CFAP47: variants seen among roughly 807,000 people sequenced by gnomAD.
The protein encoded by CFAP47 is cilia and flagella associated protein 47.
CFAP47 carries 29 observed loss-of-function variants against 148.1 expected under a neutral mutation model. The ratio of observed to expected loss-of-function variants is 0.20; its 90% CI spans 0.15 to 0.27. The LOEUF is 0.27. Ranked by LOEUF, CFAP47 falls within the 10% of genes least tolerant of loss-of-function variation. The pLI, the probability that CFAP47 is intolerant of heterozygous loss-of-function variation, is 1.00. For missense variants in CFAP47, 1,872 were observed against 1,697.5 expected (o/e 1.10, Z -1.81); for synonymous variants, 664 against 577.3 (o/e 1.15, Z -2.15).
At chrX:36,203,464 A>G (rs1292536657) in intron 44 of CFAP47, among the ~76,000 whole-genome samples, 3 of 111,781 alleles carry the variant, frequency 2.7e-5, no homozygotes, top group African/African-American at 9.7e-5. Flanking sequence ...ATGCATATAT[A>G]TAGTTTCTTT....
intron 42 of CFAP47, among the ~76,000 whole-genome samples, chrX:36,195,655 C>T (rs1555987116): frequency 9.0e-6 from 1 of 111,289 alleles, no homozygotes; most frequent in African/African-American, 3.3e-5. Context: ...CACATACTCC[C>T]TTTCTATACT....
intron 25 of CFAP47, among the ~76,000 whole-genome samples, chrX:36,046,170 T>A (rs1937463491): frequency 9.0e-6 from 1 of 110,820 alleles, no homozygotes; most frequent in Non-Finnish European, 1.9e-5. Flanking sequence ...TTATCTGCCA[T>A]AGATATGTAA....
At chrX:35,927,142 G>A (rs1249145597) in intron 2 of CFAP47, among the ~76,000 whole-genome samples, 4 of 100,847 alleles carry the variant, frequency 4.0e-5, no homozygotes, top group Non-Finnish European at 7.9e-5. Flanking sequence ...ATGACAAAGT[G>A]AGACCCTATC....
chrX:36,061,936 T>C (rs1373971714), intron 26 of CFAP47, among the ~76,000 whole-genome samples: 1 of 112,063 alleles, frequency 8.9e-6, no homozygotes, highest in Non-Finnish European at 1.9e-5. Context: ...TACAGAAATA[T>C]CGTTCCTTAA....
intron 25 of CFAP47, among the ~76,000 whole-genome samples, chrX:36,045,931 T>C (rs1937459718): frequency 8.9e-6 from 1 of 111,931 alleles, no homozygotes; most frequent in African/African-American, 3.2e-5. Flanking sequence ...GTTATACATA[T>C]GTAATAAAAT....
intron 30 of CFAP47, among the ~76,000 whole-genome samples, chrX:36,087,814 G>C (rs889947207): frequency 1.2e-4 from 13 of 112,135 alleles, no homozygotes; most frequent in African/African-American, 4.2e-4. Flanking sequence ...AAGAAAGGGT[G>C]AAAAATTTGC....
rs778732443 is a variant in CFAP47 at position 36,033,468 on chromosome X, G to GGT, written c.3651+2121_3651+2122insGT. ...TTTCTCAGAATTATAAGATATAGAA[G>GGT]ATAGATAGTATTTTGGAAGTATAAT... is the stretch of plus-strand genomic sequence containing the variant. On this transcript the variant is annotated intron_variant, in intron 23 of 63. Coordinates refer to ENST00000378653, the MANE Select transcript of CFAP47 (RefSeq NM_001304548.2). 5.3e-3 allele frequency among the ~76,000 whole-genome samples: 596 copies of GGT among 111,783 alleles called. 6 individuals carry two copies. The highest frequency in any genetic ancestry group is 0.018 in the African/African-American group (570 of 30,927).
chrX:36,282,847 A>G (rs977981333), intron 50 of CFAP47, among the ~76,000 whole-genome samples: 7 of 111,862 alleles, frequency 6.3e-5, no homozygotes, highest in Non-Finnish European at 1.3e-4. Flanking sequence ...ACTTTTAATA[A>G]TTTTTTATCT....
At chrX:36,187,700 G>C (rs892465607) in intron 40 of CFAP47, among the ~76,000 whole-genome samples, 6 of 111,171 alleles carry the variant, frequency 5.4e-5, no homozygotes, top group Non-Finnish European at 1.1e-4. Context: ...ATAATTTATA[G>C]TGCTAACCAG....
At chrX:36,068,089 A>T (rs1185080602) in intron 27 of CFAP47, among the ~76,000 whole-genome samples, 1 of 111,883 alleles carries the variant, frequency 8.9e-6, no homozygotes, top group Non-Finnish European at 1.9e-5. Flanking sequence ...ATTTCTGGAC[A>T]TTTTTCCCTT....
chrX:35,959,878 CAAAAAAA>C (rs755201291), intron 8 of CFAP47, among the ~76,000 whole-genome samples: 7 of 30,413 alleles, frequency 2.3e-4, no homozygotes, highest in Non-Finnish European at 3.1e-4. Context: ...GACTCCGTCT[CAAAAAAA>C]AAAAAAAAAA....
chrX:36,297,914 G>T (rs183580534), intron 51 of CFAP47, among the ~76,000 whole-genome samples: 19 of 110,801 alleles, frequency 1.7e-4, no homozygotes, highest in African/African-American at 5.9e-4. Context: ...ATGAAGAAAG[G>T]CTGTCGGGGA....
intron 63 of CFAP47, among the ~76,000 whole-genome samples, chrX:36,380,739 A>G (rs1299290946): frequency 8.9e-6 from 1 of 112,761 alleles, no homozygotes; most frequent in East Asian, 2.8e-4. Flanking sequence ...CACCACGCCC[A>G]GCCTTGATAT....
chrX:36,113,961 C>A (rs1938596427), intron 33 of CFAP47, among the ~76,000 whole-genome samples: 1 of 109,206 alleles, frequency 9.2e-6, no homozygotes, highest in African/African-American at 3.4e-5. Flanking sequence ...AGGCGCCCAC[C>A]ACCATGCCCA....
chrX:36,108,872 G>A (rs6629047), intron 33 of CFAP47, among the ~76,000 whole-genome samples: 23,474 of 106,090 alleles, frequency 0.22, 3,682 homozygotes, highest in African/African-American at 0.53. Flanking sequence ...TGTCACGGGG[G>A]TTTGTTGTAT....
intron 62 of CFAP47, among the ~76,000 whole-genome samples, chrX:36,369,110 G>C (rs1274660473): frequency 9.0e-6 from 1 of 111,259 alleles, no homozygotes; most frequent in Non-Finnish European, 1.9e-5. Flanking sequence ...ATTTCTGCAA[G>C]CATTAAGTTC....
chrX:36,268,738 C>T, intron 49 of CFAP47, among the ~76,000 whole-genome samples: 1 of 112,140 alleles, frequency 8.9e-6, no homozygotes, highest in Non-Finnish European at 1.9e-5. Context: ...AAGTTATTTA[C>T]AGTCAAATGA....
At chrX:36,347,109 C>A (rs978089506) in intron 57 of CFAP47, among the ~76,000 whole-genome samples, 1 of 111,949 alleles carries the variant, frequency 8.9e-6, no homozygotes, top group Non-Finnish European at 1.9e-5. Flanking sequence ...ACCACCTCAT[C>A]AAAAACTGGG....
chrX:35,954,729 T>A (rs1468949748), intron 7 of CFAP47, among the ~76,000 whole-genome samples: 2 of 112,331 alleles, frequency 1.8e-5, no homozygotes, highest in Non-Finnish European at 3.8e-5. Flanking sequence ...TCTGTTATCA[T>A]CTTTCTGGTT....
Sources: allele counts gnomAD v4.1 joint callset (sites outside exome capture counted in the v4.1 genomes callset), GRCh38; gene constraint gnomAD v4.1.1; transcripts MANE v1.5; gene names NCBI Gene and HGNC (gene_info 2026-07-23, HGNC 2026-07-21).